Variants in IQCJ observed in about 807,000 individuals in gnomAD.
IQCJ encodes IQ domain-containing protein J.
A neutral mutation model predicts 11.0 loss-of-function variants in IQCJ; 9 were observed. That is an observed-to-expected ratio of 0.82 (90% CI 0.49 to 1.43). The LOEUF is 1.43. Among genes scored for constraint, IQCJ ranks in the 40% most tolerant of loss-of-function variants. The pLI is 0.00. For synonymous variants in IQCJ, 55 were observed against 51.3 expected (o/e 1.07, Z -0.31); for missense variants, 146 against 133.2 (o/e 1.10, Z -0.47).
At chr3:159,172,272 A>G (rs1028226299) in intron 1 of IQCJ, among the ~76,000 whole-genome samples, 2 of 152,232 alleles carry the variant, frequency 1.3e-5, no homozygotes, top group African/African-American at 2.4e-5. Flanking sequence ...GATAGCTGCG[A>G]AAGTTAGCAA....
Position 159,262,669 on chromosome 3 carries a change from G to A in IQCJ, c.277G>A (p.Asp93Asn), listed in dbSNP as rs200957112. 114 of 1,613,912 alleles carry A rather than the reference G, an allele frequency of 7.1e-5. No homozygotes were observed. The highest frequency in any genetic ancestry group is 4.8e-4 in the South Asian group (44 of 91,066). Reference sequence around the variant, plus strand: ...CTCTGTCAGCATGAACACCTTCTCCGACAGCAGCACACCCGTGAGTGTCAT... The same window carrying A: ...CTCTGTCAGCATGAACACCTTCTCCAACAGCAGCACACCCGTGAGTGTCAT... ...SSSVSMNTFS[D>N]SSTPVSVMFL... is the part of the protein sequence containing the mutation. The change falls in exon 4 of 4, where the codon GAC becomes AAC. Residue 93 changes from aspartate to asparagine, a missense_variant. Coordinates refer to ENST00000397832, the MANE Select transcript of IQCJ (RefSeq NM_001042706.3).
chr3:159,086,976 G>C (rs1559979108), intron 1 of IQCJ, among the ~76,000 whole-genome samples: 1 of 152,192 alleles, frequency 6.6e-6, no homozygotes, highest in Non-Finnish European at 1.5e-5. Context: ...TGGTGAGAGA[G>C]GGCATCCCTG....
intron 1 of IQCJ, among the ~76,000 whole-genome samples, chr3:159,094,894 A>G (rs1254995064): frequency 6.6e-6 from 1 of 151,826 alleles, no homozygotes; most frequent in Non-Finnish European, 1.5e-5. Flanking sequence ...ATGTACCTGT[A>G]TCAGTAGTTA....
chr3:159,101,630 A>G (rs192504871), intron 1 of IQCJ, among the ~76,000 whole-genome samples: 3 of 152,354 alleles, frequency 2.0e-5, no homozygotes, highest in Admixed American at 2.0e-4. Flanking sequence ...GTGATCTCAC[A>G]GGAACTGGCT....
chr3:159,174,885 T>A (rs1418393660), intron 1 of IQCJ, among the ~76,000 whole-genome samples: 1 of 152,188 alleles, frequency 6.6e-6, no homozygotes, highest in African/African-American at 2.4e-5. Context: ...TGTCTGAGAC[T>A]CTCTCAAGAC....
intron 1 of IQCJ, among the ~76,000 whole-genome samples, chr3:159,081,587 G>C (rs574895149): frequency 6.6e-6 from 1 of 152,192 alleles, no homozygotes; most frequent in South Asian, 2.1e-4. Context: ...AACTACAAAT[G>C]AGCACATCAT....
chr3:159,161,830 C>G (rs1577051346), intron 1 of IQCJ, among the ~76,000 whole-genome samples: 2 of 152,170 alleles, frequency 1.3e-5, no homozygotes, highest in Non-Finnish European at 2.9e-5. Context: ...TGTCAAAGAT[C>G]AGATAGCTGT....
chr3:159,166,175 T>G (rs1722158417), intron 1 of IQCJ, among the ~76,000 whole-genome samples: 1 of 152,160 alleles, frequency 6.6e-6, no homozygotes, highest in Admixed American at 6.5e-5. Context: ...ACCTTCCTTT[T>G]AAATACCAGC....
rs55634874 is a variant in IQCJ, at chr3:159,249,926, C to CACACACAT, written c.75-2801_75-2800insACACACAT. Among the ~76,000 whole-genome samples the CACACACAT allele has an allele frequency of 3.3e-5, 5 of 151,670 alleles. No individual in the cohort carries two copies. The East Asian group carries it at 5.8e-4, about 18-fold the overall frequency. On this transcript the variant is annotated intron_variant, in intron 2 of 3. Transcript: ENST00000397832. ...GTACACACACACACACACACACACA[C>CACACACAT]GAGCTTAGCGAAGCTTGGCATGTGC...
chr3:159,161,863 G>T (rs534712319), intron 1 of IQCJ, among the ~76,000 whole-genome samples: 1 of 152,200 alleles, frequency 6.6e-6, no homozygotes, highest in Admixed American at 6.5e-5. Flanking sequence ...TTATTTCTGA[G>T]GGCTCTGTTC....
At chr3:159,083,233 A>G (rs1716453682) in intron 1 of IQCJ, among the ~76,000 whole-genome samples, 1 of 152,182 alleles carries the variant, frequency 6.6e-6, no homozygotes, top group Non-Finnish European at 1.5e-5. Context: ...AATTGTATCT[A>G]GAATATATAC....
At chr3:159,078,458 A>G (rs1286947489) in intron 1 of IQCJ, among the ~76,000 whole-genome samples, 1 of 151,954 alleles carries the variant, frequency 6.6e-6, no homozygotes, top group Non-Finnish European at 1.5e-5. Flanking sequence ...CTACATAGGG[A>G]TCTGAGGTTT....
intron 1 of IQCJ, among the ~76,000 whole-genome samples, chr3:159,212,059 A>G (rs1223224624): frequency 6.6e-6 from 1 of 151,402 alleles, no homozygotes; most frequent in Non-Finnish European, 1.5e-5. Flanking sequence ...ATAAGACCAA[A>G]TGATGCAAGC....
intron 1 of IQCJ, among the ~76,000 whole-genome samples, chr3:159,085,042 T>C (rs1349823367): frequency 6.6e-6 from 1 of 152,040 alleles, no homozygotes; most frequent in Non-Finnish European, 1.5e-5. Flanking sequence ...GCATTAGGTA[T>C]ATCTCCCAAT....
rs376431592 is a variant in IQCJ at position 159,243,526 on chromosome 3, T to C, written c.10-2317T>C. Among the ~76,000 whole-genome samples, 21 of 152,222 alleles carry C rather than the reference T, an allele frequency of 1.4e-4. No individual in the cohort carries two copies. In the East Asian group the frequency reaches 2.3e-3, roughly 17 times the overall value. ...GTTAATTAAGCTGGACACAAAAGAA[T>C]AGATAAATTTATACGAAAGTCTAGA... On this transcript the variant is annotated intron_variant, in intron 1 of 3. Coordinates refer to ENST00000397832, the MANE Select transcript of IQCJ (RefSeq NM_001042706.3).
intron 1 of IQCJ, among the ~76,000 whole-genome samples, chr3:159,227,991 C>G (rs924574419): frequency 6.6e-6 from 1 of 152,226 alleles, no homozygotes; most frequent in African/African-American, 2.4e-5. Flanking sequence ...CTTTAGTGAA[C>G]TGTGCACTGC....
chr3:159,088,286 G>A (rs1469013561), intron 1 of IQCJ, among the ~76,000 whole-genome samples: 1 of 152,062 alleles, frequency 6.6e-6, no homozygotes, highest in Non-Finnish European at 1.5e-5. Context: ...CTGAGAGACA[G>A]TTTGTTATAA....
chr3:159,131,253 A>G (rs961524611), intron 1 of IQCJ, among the ~76,000 whole-genome samples: 9 of 152,118 alleles, frequency 5.9e-5, no homozygotes, highest in African/African-American at 2.2e-4. Context: ...GACATCACAC[A>G]TAAGTATGTC....
chr3:159,085,173 G>T (rs1005110195), intron 1 of IQCJ, among the ~76,000 whole-genome samples: 1 of 151,688 alleles, frequency 6.6e-6, no homozygotes, highest in African/African-American at 2.4e-5. Flanking sequence ...CAGTGTTTGG[G>T]TTTTTGTTCT....
Sources: gnomAD v4.1 joint callset for allele counts (sites outside exome capture counted in the v4.1 genomes callset) on GRCh38, gnomAD v4.1.1 for gene constraint, MANE v1.5 for transcripts, NCBI Gene and HGNC (gene_info 2026-07-23, HGNC 2026-07-21) for gene names.